EDIL3: variants seen among roughly 807,000 people sequenced by gnomAD.
EDIL3 encodes the protein EGF like and discoidin domains 3.
EDIL3 carries 37 observed loss-of-function variants against 67.4 expected under a neutral mutation model. That is an observed-to-expected ratio of 0.55 (90% CI 0.42 to 0.72). EDIL3 has a LOEUF of 0.72. Among genes scored for constraint, EDIL3 ranks in the 30% least tolerant of loss-of-function variants. EDIL3 has a pLI of 0.00. For missense variants in EDIL3, 527 were observed against 586.3 expected (o/e 0.90, Z 1.04); for synonymous variants, 195 against 196.3 (o/e 0.99, Z 0.05).
At chr5:84,097,849 T>C (rs1222325867) in intron 6 of EDIL3, among the ~76,000 whole-genome samples, 1 of 151,886 alleles carries the variant, frequency 6.6e-6, no homozygotes, top group Non-Finnish European at 1.5e-5. Flanking sequence ...ACTGCATATC[T>C]TGAAAATAAA....
At chr5:84,189,133 A>G (rs905868758) in intron 3 of EDIL3, among the ~76,000 whole-genome samples, 15 of 151,984 alleles carry the variant, frequency 9.9e-5, no homozygotes, top group African/African-American at 3.6e-4. Context: ...AGCTAAAATT[A>G]ATTTTACTTG....
chr5:84,250,336 G>A (rs777156971), intron 2 of EDIL3, among the ~76,000 whole-genome samples: 5 of 152,138 alleles, frequency 3.3e-5, no homozygotes, highest in Non-Finnish European at 7.3e-5. Context: ...GAGAGAGAGA[G>A]AATGAGAATG....
At chr5:84,214,023 G>A (rs887987658) in intron 3 of EDIL3, among the ~76,000 whole-genome samples, 2 of 152,116 alleles carry the variant, frequency 1.3e-5, no homozygotes, top group East Asian at 1.9e-4. Flanking sequence ...CTGAGCCACT[G>A]CCTCCCTTAA....
intron 1 of EDIL3, among the ~76,000 whole-genome samples, chr5:84,297,778 C>T (rs1336946375): frequency 2.0e-5 from 3 of 152,162 alleles, no homozygotes; most frequent in Non-Finnish European, 4.4e-5. Context: ...AGTTTCTCTG[C>T]TACTTGAGAT....
chr5:84,318,490 A>C (rs577876227), intron 1 of EDIL3, among the ~76,000 whole-genome samples: 3 of 152,334 alleles, frequency 2.0e-5, no homozygotes, highest in African/African-American at 7.2e-5. Flanking sequence ...CAGAGGCCTC[A>C]GAAAAAACAC....
In EDIL3 at chr5:84,169,435, T is replaced by C. The variant is rs576403513; in HGVS notation, c.355+10958A>G. ...TTGATATGTGTATGTAATTAGGCTC[T>C]ATAGAATTTTATCACATATGTAGGT... On this transcript the variant is annotated intron_variant, in intron 4 of 10. Transcript: ENST00000296591. Among the ~76,000 whole-genome samples, 21 of 152,078 alleles carry C rather than the reference T, an allele frequency of 1.4e-4. No homozygotes were observed. In the South Asian group the frequency reaches 1.5e-3, roughly 11 times the overall value.
chr5:84,000,444 C>T (rs2112168738), intron 9 of EDIL3, among the ~76,000 whole-genome samples: 1 of 152,126 alleles, frequency 6.6e-6, no homozygotes, highest in South Asian at 2.1e-4. Context: ...TTAGTTTTCT[C>T]TTTACTTGTT....
intron 1 of EDIL3, among the ~76,000 whole-genome samples, chr5:84,275,683 A>C (rs2112101336): frequency 6.6e-6 from 1 of 152,322 alleles, no homozygotes; most frequent in South Asian, 2.1e-4. Context: ...AAGAGGTGAT[A>C]ATCTAGAATA....
intron 3 of EDIL3, among the ~76,000 whole-genome samples, chr5:84,197,828 A>G (rs347354): frequency 0.99 from 151,162 of 152,108 alleles, 75,140 homozygotes; most frequent in Non-Finnish European, 1. Context: ...GCAGATTAAG[A>G]AGTTACACTT....
intron 1 of EDIL3, among the ~76,000 whole-genome samples, chr5:84,383,797 G>C (rs891968136): frequency 5.3e-5 from 8 of 152,162 alleles, no homozygotes; most frequent in Admixed American, 2.6e-4. Flanking sequence ...CCGGGTCTGG[G>C]TTTGCGAACG....
At chr5:84,048,413 T>C (rs1210222203) in intron 9 of EDIL3, 3 of 250,342 alleles carry the variant, frequency 1.2e-5, no homozygotes, top group Non-Finnish European at 1.6e-5. Flanking sequence ...TTAAATTCAA[T>C]TGATTTCTTA....
At chr5:84,009,639 AT>A in intron 9 of EDIL3, among the ~76,000 whole-genome samples, 1 of 152,316 alleles carries the variant, frequency 6.6e-6, no homozygotes, top group Non-Finnish European at 1.5e-5. Flanking sequence ...CATTAATGAT[AT>A]CGAGAGCTGT....
intron 6 of EDIL3, among the ~76,000 whole-genome samples, chr5:84,075,913 CACACAG>C (rs1386973994): frequency 1.1e-4 from 16 of 148,630 alleles, no homozygotes; most frequent in South Asian, 4.3e-4. Context: ...CACACACACA[CACACAG>C]ACACACACTC....
At chr5:84,368,071 T>C (rs1747775787) in intron 1 of EDIL3, among the ~76,000 whole-genome samples, 1 of 152,178 alleles carries the variant, frequency 6.6e-6, no homozygotes, top group Non-Finnish European at 1.5e-5. Context: ...CTGATGTAAC[T>C]ATTTTGAAAC....
chr5:84,308,672 C>T (rs2650469), intron 1 of EDIL3, among the ~76,000 whole-genome samples: 58,925 of 151,840 alleles, frequency 0.39, 11,985 homozygotes, highest in South Asian at 0.48. Flanking sequence ...AATTATTAAT[C>T]TGTGATTCAA....
rs1054668145 is a variant in EDIL3, at chr5:83,942,651, G to A, written c.*768C>T. On this transcript the variant is annotated 3_prime_UTR_variant, in exon 11 of 11. Coordinates refer to ENST00000296591, the MANE Select transcript of EDIL3 (RefSeq NM_005711.5). Reference sequence around the variant, plus strand: ...GGCTTCCTTCAAAAATAAAACTGCAGATTTAATTAACGAATATTAAATACA... The same window carrying A: ...GGCTTCCTTCAAAAATAAAACTGCAAATTTAATTAACGAATATTAAATACA... The A allele has an allele frequency of 1.1e-4, 17 of 151,932 alleles. No individual in the cohort carries two copies. The highest frequency in any genetic ancestry group is 3.3e-4 in the Admixed American group (5 of 15,228). 9.4% of individuals were successfully genotyped at this position (151,932 alleles called of 1,614,324 possible).
chr5:84,226,462 T>C (rs970484830), intron 3 of EDIL3, among the ~76,000 whole-genome samples: 6 of 151,916 alleles, frequency 3.9e-5, no homozygotes, highest in African/African-American at 9.6e-5. Flanking sequence ...GGGCAAGAGA[T>C]ACTAAAATGA....
At chr5:84,079,701 T>C (rs1370478250) in intron 6 of EDIL3, among the ~76,000 whole-genome samples, 1 of 151,966 alleles carries the variant, frequency 6.6e-6, no homozygotes, top group African/African-American at 2.4e-5. Context: ...CAGAAATAAC[T>C]TGAGCTTCCC....
intron 1 of EDIL3, among the ~76,000 whole-genome samples, chr5:84,312,423 G>A: frequency 7.0e-6 from 1 of 143,772 alleles, no homozygotes; most frequent in African/African-American, 2.6e-5. Context: ...CGGCTGGCCG[G>A]GCAGAGGGGC....
Sources: gnomAD v4.1 joint callset for allele counts (sites outside exome capture counted in the v4.1 genomes callset) on GRCh38, gnomAD v4.1.1 for gene constraint, MANE v1.5 for transcripts, NCBI Gene and HGNC (gene_info 2026-07-23, HGNC 2026-07-21) for gene names.